Variants in NPTN observed in about 807,000 individuals in gnomAD.
NPTN encodes neuroplastin, also known as SDR-1.
A neutral mutation model predicts 42.7 loss-of-function variants in NPTN; 5 were observed. The observed-to-expected ratio is 0.12, with a 90% CI of 0.06 to 0.25. The LOEUF (loss-of-function observed/expected upper bound fraction) is 0.25, where lower values mean the gene tolerates loss of function less well. Ranked by LOEUF, NPTN falls within the 10% of genes least tolerant of loss-of-function variation. The probability of loss-of-function intolerance (pLI) is 1.00; values close to 1 mark genes in which losing one functional copy is unlikely to be tolerated. For missense variants in NPTN, 307 were observed against 525.4 expected, an observed-to-expected ratio of 0.58 and a Z score of 4.06; for synonymous variants, 180 against 201.9, an observed-to-expected ratio of 0.89 and a Z score of 0.92.
At chr15:73,593,266 CTA>C (rs1312598937) in intron 2 of NPTN, among the ~76,000 whole-genome samples, 2 of 152,130 alleles carry the variant, frequency 1.3e-5, no homozygotes, top group Admixed American at 6.6e-5. Flanking sequence ...CAAGACATTT[CTA>C]TGTTTGTTGT....
At chr15:73,590,934 G>T (rs900508196) in intron 3 of NPTN, among the ~76,000 whole-genome samples, 3 of 151,956 alleles carry the variant, frequency 2.0e-5, no homozygotes, top group African/African-American at 7.2e-5. Context: ...AAACTACAGT[G>T]GAGATAGGTT....
chr15:73,606,598 C>CA (rs1394500585), intron 1 of NPTN, among the ~76,000 whole-genome samples: 2 of 152,086 alleles, frequency 1.3e-5, no homozygotes, highest in Non-Finnish European at 2.9e-5. Flanking sequence ...TCTCTTATCC[C>CA]AAGAGATTGT....
intron 1 of NPTN, among the ~76,000 whole-genome samples, chr15:73,616,428 T>C (rs1897863895): frequency 1.3e-5 from 2 of 152,134 alleles, no homozygotes; most frequent in African/African-American, 4.8e-5. Context: ...CTAAATCTAA[T>C]TCTTGCCCCA....
At chr15:73,608,438 A>T (rs1897391279) in intron 1 of NPTN, among the ~76,000 whole-genome samples, 1 of 152,220 alleles carries the variant, frequency 6.6e-6, no homozygotes, top group Non-Finnish European at 1.5e-5. Context: ...GTTCTAGGCA[A>T]GAGGAAACAC....
rs774869308 is a variant in NPTN, at chr15:73,570,024, A to T, written c.1114+126T>A. The T allele has an allele frequency of 1.6e-5, 14 of 877,240 alleles. No individual in the cohort carries two copies. The highest frequency in any genetic ancestry group is 2.3e-5 in the Non-Finnish European group (14 of 620,726). The allele number at this position is 877,240 out of a possible 1,614,324, so 54.3% of individuals were successfully genotyped here. ...TACGGGTAGGGGGTTAGGAACTGGT[A>T]TAAGAATTTTCCTTCTTTCCTTTAG... is the stretch of plus-strand genomic sequence containing the variant. On this transcript the variant is annotated intron_variant, in intron 6 of 8. Coordinates refer to ENST00000345330, the MANE Select transcript of NPTN (RefSeq NM_012428.4). This position sits in a 1 kb window ranked among gnomAD's most constrained non-coding sequence, Gnocchi z 4.0.
In NPTN at chr15:73,597,408, T is replaced by C; in HGVS notation, c.92-39A>G. On this transcript the variant is annotated intron_variant, in intron 1 of 8. Coordinates refer to ENST00000345330, the MANE Select transcript of NPTN (RefSeq NM_012428.4). This position sits in a 1 kb window ranked among gnomAD's most constrained non-coding sequence, Gnocchi z 6.3. ...GAGCAGGAATGCAGTGACAGGCCAA[T>C]CAGAAAAAAAAAAAAGAATCAACAG... 7.6e-7 allele frequency: 1 copy of C among 1,315,772 alleles called. No individual in the cohort carries two copies. Among genetic ancestry groups the C allele is most frequent in the Non-Finnish European group, 1.0e-6 (1 of 974,836 alleles). The allele number at this position is 1,315,772 out of a possible 1,614,324, so 81.5% of individuals were successfully genotyped here.
chr15:73,606,734 A>C (rs2141442422), intron 1 of NPTN, among the ~76,000 whole-genome samples: 1 of 152,186 alleles, frequency 6.6e-6, no homozygotes, highest in East Asian at 1.9e-4. Context: ...ACTTCAACTG[A>C]CTCTCCAGTT....
chr15:73,572,326 C>G (rs1031217419), intron 5 of NPTN, among the ~76,000 whole-genome samples: 1 of 152,148 alleles, frequency 6.6e-6, no homozygotes, highest in Non-Finnish European at 1.5e-5. Flanking sequence ...TCCATGGGAT[C>G]AGAGGAACGC....
At chr15:73,582,305 C>T (rs1202267687) in intron 4 of NPTN, among the ~76,000 whole-genome samples, 1 of 152,182 alleles carries the variant, frequency 6.6e-6, no homozygotes, top group Admixed American at 6.5e-5. Flanking sequence ...CCCAAAAACA[C>T]CTATCTTTGT....
chr15:73,598,709 C>T (rs1391427273), intron 1 of NPTN, among the ~76,000 whole-genome samples: 1 of 152,142 alleles, frequency 6.6e-6, no homozygotes, highest in African/African-American at 2.4e-5. Context: ...AGCCCCTGTG[C>T]AGTAAGCAGG....
Position 73,633,115 on chromosome 15 carries a change from C to A in NPTN, c.91+10G>T. On this transcript the variant is annotated intron_variant, in intron 1 of 8. Coordinates refer to ENST00000345330, the MANE Select transcript of NPTN (RefSeq NM_012428.4). Reference sequence around the variant, plus strand: ...ACCCCCGCCCGGCCCGCCCCCGGCGCCCCGCTTACCGTTCTGAGCGGCGCC... The same window carrying A: ...ACCCCCGCCCGGCCCGCCCCCGGCGACCCGCTTACCGTTCTGAGCGGCGCC... 1 of 1,464,946 alleles carries A rather than the reference C, an allele frequency of 6.8e-7. No individual in the cohort carries two copies. The highest frequency in any genetic ancestry group is 9.0e-7 in the Non-Finnish European group (1 of 1,114,624). 90.7% of individuals were successfully genotyped at this position (1,464,946 alleles called of 1,614,324 possible).
intron 1 of NPTN, among the ~76,000 whole-genome samples, chr15:73,622,300 G>A (rs1383860439): frequency 6.6e-6 from 1 of 152,078 alleles, no homozygotes; most frequent in East Asian, 1.9e-4. Flanking sequence ...AAAGAAAAGG[G>A]TGTGGTCAAT....
In NPTN at chr15:73,570,235, G is replaced by A. The variant is rs768364843; in HGVS notation, c.1029C>T (p.Phe343=). 1.9e-6 allele frequency: 3 copies of A among 1,614,126 alleles called. No individual in the cohort carries two copies. In the East Asian group the frequency reaches 6.7e-5, roughly 36 times the overall value. Residue 343 remains phenylalanine (F), a synonymous_variant, in exon 6 of 9, where the codon TTC becomes TTT. Transcript: ENST00000345330. This position sits in a 1 kb window ranked among gnomAD's most constrained non-coding sequence, Gnocchi z 4.0. The part of the protein sequence containing the change: ...VRSHLAPLWP[F]LGILAEIIIL... The stretch of plus-strand genomic sequence containing the variant: ...TGATAATTTCAGCCAGAATTCCCAA[G>A]AAAGGCCAGAGTGGGGCCAGGTGGC...
intron 1 of NPTN, among the ~76,000 whole-genome samples, chr15:73,627,864 A>C (rs187932242): frequency 1.3e-5 from 2 of 152,326 alleles, no homozygotes; most frequent in African/African-American, 4.8e-5. Context: ...GTTTTTACAC[A>C]AGATCACTTT....
chr15:73,586,758 T>C (rs913209975), intron 4 of NPTN, among the ~76,000 whole-genome samples: 2 of 152,172 alleles, frequency 1.3e-5, no homozygotes, highest in African/African-American at 2.4e-5. Context: ...CCTCAAACAG[T>C]AGCCCTGCCT....
chr15:73,575,811 G>A (rs1895662680), intron 4 of NPTN, among the ~76,000 whole-genome samples: 1 of 152,228 alleles, frequency 6.6e-6, no homozygotes, highest in South Asian at 2.1e-4. Context: ...ACCTGGATGG[G>A]CATGCACTGG....
At chr15:73,565,532 C>A (rs896327333) in intron 6 of NPTN, among the ~76,000 whole-genome samples, 1 of 152,108 alleles carries the variant, frequency 6.6e-6, no homozygotes, top group Non-Finnish European at 1.5e-5. Flanking sequence ...GCATGCATAT[C>A]GCTCACTTAC....
chr15:73,593,698 T>C (rs533879697), intron 2 of NPTN, among the ~76,000 whole-genome samples: 34 of 152,342 alleles, frequency 2.2e-4, no homozygotes, highest in South Asian at 4.1e-4. Context: ...TTGAAGAAAC[T>C]TGTAATAATG....
intron 1 of NPTN, among the ~76,000 whole-genome samples, chr15:73,624,381 A>G (rs1313069781): frequency 6.6e-6 from 1 of 152,200 alleles, no homozygotes; most frequent in Non-Finnish European, 1.5e-5. Flanking sequence ...ACGATTTGAG[A>G]TTCAGCATTA....
Sources: allele counts gnomAD v4.1 joint callset (sites outside exome capture counted in the v4.1 genomes callset), GRCh38; gene constraint gnomAD v4.1.1; non-coding constraint Gnocchi (gnomAD v3.1); transcripts MANE v1.5; gene names NCBI Gene and HGNC (gene_info 2026-07-23, HGNC 2026-07-21).